Variants in FOXN3 observed in about 807,000 individuals in gnomAD.
The protein encoded by FOXN3 is forkhead box N3.
Under a neutral mutation model 38.4 loss-of-function variants are expected in FOXN3, and 7 were observed. The ratio of observed to expected loss-of-function variants is 0.18; its 90% CI spans 0.10 to 0.34. The LOEUF (loss-of-function observed/expected upper bound fraction) is 0.34, where lower values mean the gene tolerates loss of function less well. Ranked by LOEUF, FOXN3 falls within the 10% of genes least tolerant of loss-of-function variation. FOXN3 has a pLI of 1.00. For synonymous variants in FOXN3, 230 were observed against 242.2 expected (o/e 0.95, Z 0.47); for missense variants, 456 against 613.4 (o/e 0.74, Z 2.71).
intron 1 of FOXN3, among the ~76,000 whole-genome samples, chr14:89,459,103 G>A (rs1045059126): frequency 6.6e-6 from 1 of 152,090 alleles, no homozygotes; most frequent in East Asian, 1.9e-4. Context: ...ACAGAGAAAC[G>A]TGCAGAGTGA....
intron 4 of FOXN3, among the ~76,000 whole-genome samples, chr14:89,259,984 G>A (rs1885745215): frequency 6.6e-6 from 1 of 152,306 alleles, no homozygotes; most frequent in South Asian, 2.1e-4. Context: ...CTAAAATGCT[G>A]GTCCTTATGG....
chr14:89,176,299 A>G (rs1337127212), intron 5 of FOXN3, among the ~76,000 whole-genome samples: 1 of 152,264 alleles, frequency 6.6e-6, no homozygotes, highest in East Asian at 1.9e-4. Flanking sequence ...GTAACACTTC[A>G]TCTATGTCAA....
intron 1 of FOXN3, among the ~76,000 whole-genome samples, chr14:89,556,625 G>T (rs1895132445): frequency 6.6e-6 from 1 of 152,060 alleles, no homozygotes; most frequent in Admixed American, 6.6e-5. Context: ...CCTAGGAAGG[G>T]GTAAGGGAGG....
chr14:89,513,171 A>C (rs1394945752), intron 1 of FOXN3, among the ~76,000 whole-genome samples: 1 of 145,030 alleles, frequency 6.9e-6, no homozygotes, highest in East Asian at 2.0e-4. Flanking sequence ...AAAAAAAAAG[A>C]AAAAGAAAGA....
intron 5 of FOXN3, among the ~76,000 whole-genome samples, chr14:89,179,623 A>C (rs1383405524): frequency 6.6e-6 from 1 of 152,198 alleles, no homozygotes; most frequent in Non-Finnish European, 1.5e-5. Flanking sequence ...TCCTCAGGAC[A>C]CAAAGCACCC....
Position 89,180,754 on chromosome 14 carries a change from A to C in FOXN3, c.798T>G (p.Phe266Leu), listed in dbSNP as rs1484504703. The change falls in exon 5 of 6, where the codon TTT becomes TTG. Residue 266 changes from phenylalanine to leucine, a missense_variant. Phe to Leu is a conservative substitution (Grantham distance 22, BLOSUM62 0). Coordinates refer to ENST00000557258, the MANE Select transcript of FOXN3 (RefSeq NM_005197.4). ...NGARVLSRGL[F>L]PGVRPLPITP... ...TGATTGGCAGCGGCCGCACGCCAGG[A>C]AACAGCCCTCGGCTCAGGACCCGCG... The C allele has an allele frequency of 6.2e-7, 1 of 1,612,802 alleles. No individual in the cohort carries two copies. Among genetic ancestry groups the C allele is most frequent in the East Asian group, 2.2e-5 (1 of 44,864 alleles).
chr14:89,500,820 GA>G (rs529223310), intron 1 of FOXN3, among the ~76,000 whole-genome samples: 65 of 152,332 alleles, frequency 4.3e-4, no homozygotes, highest in African/African-American at 1.5e-3. Flanking sequence ...TCCCAGAGGA[GA>G]GAACTTGACC....
rs193065124 is a variant in FOXN3, at chr14:89,295,606, G to A, written c.681-14592C>T. ...TTTTTTTCCTTTTTTTTGAGGCAGG[G>A]TCTCACTCTGTCACTCTGTCACCCA... On this transcript the variant is annotated intron_variant, in intron 3 of 5. Transcript: ENST00000557258. Among the ~76,000 whole-genome samples the A allele has an allele frequency of 1.6e-3, 237 of 151,896 alleles. 1 individual carries two copies. Among genetic ancestry groups the A allele is most frequent in the African/African-American group, 5.6e-3 (232 of 41,406 alleles).
At chr14:89,584,172 AT>A (rs1895800028) in intron 1 of FOXN3, among the ~76,000 whole-genome samples, 1 of 151,564 alleles carries the variant, frequency 6.6e-6, no homozygotes, top group South Asian at 2.1e-4. Context: ...ACACTAGGTA[AT>A]TTATAAAGAA....
At chr14:89,305,155 G>T (rs368356557) in intron 3 of FOXN3, among the ~76,000 whole-genome samples, 1 of 152,110 alleles carries the variant, frequency 6.6e-6, no homozygotes, top group African/African-American at 2.4e-5. Flanking sequence ...CACACAGGCC[G>T]GGTGCTGGTG....
intron 3 of FOXN3, among the ~76,000 whole-genome samples, chr14:89,324,973 G>A (rs554038613): frequency 7.2e-5 from 11 of 152,072 alleles, no homozygotes; most frequent in Non-Finnish European, 1.6e-4. Flanking sequence ...AAGGCTCTAG[G>A]GTGGCGCTGT....
chr14:89,557,845 A>C (rs1895161005), intron 1 of FOXN3, among the ~76,000 whole-genome samples: 1 of 152,088 alleles, frequency 6.6e-6, no homozygotes, highest in African/African-American at 2.4e-5. Context: ...ATCTCTAGTA[A>C]AAATACAAAA....
At chr14:89,336,076 TTG>T (rs1888443567) in intron 3 of FOXN3, among the ~76,000 whole-genome samples, 2 of 151,792 alleles carry the variant, frequency 1.3e-5, no homozygotes, top group Admixed American at 6.6e-5. Flanking sequence ...CCCTAAAATA[TTG>T]TGTGATTCTC....
intron 1 of FOXN3, among the ~76,000 whole-genome samples, chr14:89,572,192 T>C (rs1275726300): frequency 6.6e-6 from 1 of 152,224 alleles, no homozygotes; most frequent in African/African-American, 2.4e-5. Flanking sequence ...CACTAAAGTA[T>C]ACAGATCATA....
chr14:89,291,590 G>T, intron 3 of FOXN3: 1 of 530,254 alleles, frequency 1.9e-6, no homozygotes, highest in Non-Finnish European at 3.7e-6. Context: ...CTACATGTCT[G>T]CCATTCTGCT....
chr14:89,236,472 G>A (rs1270417727), intron 4 of FOXN3, among the ~76,000 whole-genome samples: 3 of 152,100 alleles, frequency 2.0e-5, no homozygotes, highest in Admixed American at 6.5e-5. Context: ...CCGAGATCAC[G>A]CCACTGCACT....
intron 3 of FOXN3, chr14:89,291,518 T>G (rs1277283291): frequency 1.7e-6 from 1 of 589,204 alleles, no homozygotes; most frequent in East Asian, 4.3e-5. Flanking sequence ...AGGGGGCCTG[T>G]GGGACTCTGC....
At position 89,513,905 on chromosome 14, in the gene FOXN3, TACACACACACACACACAC is replaced by T. The variant is rs58182379; in HGVS notation, c.-14-101433_-14-101416del. Among the ~76,000 whole-genome samples, 12 of 149,606 alleles carry T rather than the reference TACACACACACACACACAC, an allele frequency of 8.0e-5. No individual in the cohort carries two copies. In the South Asian group the frequency reaches 2.5e-3, roughly 32 times the overall value. The stretch of plus-strand genomic sequence containing the variant: ...TCTCTCTTTCCTTCTCTTTCTCTCT[TACACACACACACACACAC>T]ACACACGCACGCACACACGCACGCA... On this transcript the variant is annotated intron_variant, in intron 1 of 6. Transcript: ENST00000345097.
chr14:89,557,882 T>C (rs1451248178), intron 1 of FOXN3, among the ~76,000 whole-genome samples: 2 of 152,104 alleles, frequency 1.3e-5, no homozygotes, highest in African/African-American at 4.8e-5. Flanking sequence ...GGTGCGTGCC[T>C]GTAATCCCAG....
Sources: allele counts gnomAD v4.1 joint callset (sites outside exome capture counted in the v4.1 genomes callset), GRCh38; gene constraint gnomAD v4.1.1; transcripts MANE v1.5; gene names NCBI Gene and HGNC (gene_info 2026-07-23, HGNC 2026-07-21).